DNAH17: variants seen among roughly 807,000 people sequenced by gnomAD.
DNAH17 encodes axonemal beta dynein heavy chain 17.
In DNAH17, 376 loss-of-function variants were observed where a neutral mutation model predicts 485.6. That is an observed-to-expected ratio of 0.77 (90% CI 0.71 to 0.84). DNAH17 has a LOEUF of 0.84. Ranked by LOEUF, DNAH17 falls within the 40% of genes least tolerant of loss-of-function variation. The pLI, the probability that DNAH17 is intolerant of heterozygous loss-of-function variation, is 0.00. For missense variants in DNAH17, 6,370 were observed against 5,839.3 expected (o/e 1.09, Z -2.96); for synonymous variants, 3,031 against 2,405.9 (o/e 1.26, Z -7.60).
At chr17:78,480,309 A>G (rs1266010596) in intron 49 of DNAH17, among the ~76,000 whole-genome samples, 7 of 152,094 alleles carry the variant, frequency 4.6e-5, no homozygotes, top group Admixed American at 1.3e-4. Flanking sequence ...AGATCACACC[A>G]TTGCACTCCA....
Position 78,423,858 on chromosome 17 carries a change from G to T in DNAH17, c.*48C>A, listed in dbSNP as rs367916838. ...GTCACAGGTGCACAGGTGAAGGGCT[G>T]AGTTGTGGTCCAGCCCCAGGGAGTG... On this transcript the variant is annotated 3_prime_UTR_variant, in exon 81 of 81. Coordinates refer to ENST00000389840, the MANE Select transcript of DNAH17 (RefSeq NM_173628.4). 100 of 1,605,688 alleles carry T rather than the reference G, an allele frequency of 6.2e-5. No individual in the cohort carries two copies. The African/African-American group carries it at 1.2e-3, about 19-fold the overall frequency.
At position 78,571,345 on chromosome 17, in the gene DNAH17, T is replaced by G; in HGVS notation, c.766A>C (p.Ile256Leu). 2 of 1,613,932 alleles carry G rather than the reference T, an allele frequency of 1.2e-6. No homozygotes were observed. The highest frequency in any genetic ancestry group is 8.5e-7 in the Non-Finnish European group (1 of 1,179,848). ...NRPKVNKIVE[I>L]LEKAKSCYWP... is the part of the protein sequence containing the mutation. ...TAGCAGCTTTTGGCTTTCTCTAGGA[T>G]CTCAACAATCTTGTTCACTTTGGGT... The change falls in exon 5 of 81, where the codon ATC (isoleucine) becomes CTC (leucine). Residue 256 changes from isoleucine (I) to leucine (L), a missense_variant. Transcript: ENST00000389840.
chr17:78,426,109 G>GAAGAAA (rs2086446181), intron 79 of DNAH17, among the ~76,000 whole-genome samples: 1 of 152,226 alleles, frequency 6.6e-6, no homozygotes, highest in African/African-American at 2.4e-5. Context: ...GAAGGGTCAG[G>GAAGAAA]AAGAAAATGG....
In DNAH17 at chr17:78,530,560, G is replaced by T. The variant is rs183585983; in HGVS notation, c.3115-48C>A. 2,291 of 1,564,384 alleles carry T rather than the reference G, an allele frequency of 1.5e-3. 3 individuals are homozygous for T. Among genetic ancestry groups the T allele is most frequent in the Admixed American group, 1.9e-3 (108 of 57,518 alleles). ...GCCTGTCATAGCCTGCAAGCCTAGG[G>T]GGGGCGTCAGCACAGGGCCTCAGTC... On this transcript the variant is annotated intron_variant, in intron 20 of 80. Transcript: ENST00000389840.
intron 17 of DNAH17, 199 bp downstream of exon 17, chr17:78,543,658 T>C: frequency 4.1e-6 from 3 of 737,762 alleles, no homozygotes; most frequent in South Asian, 3.2e-5. Context: ...CTCCTGACAT[T>C]AGGTGATCCG....
rs1023682225 is a variant in DNAH17, at chr17:78,466,294, C to G, written c.8940+361G>C. ...AAGTACCCAGGGACACAAACACTGC[C>G]GAAGGCCGGAAGGCCTCAGGGTCCT... On this transcript the variant is annotated intron_variant, in intron 56 of 80. Coordinates refer to ENST00000389840, the MANE Select transcript of DNAH17 (RefSeq NM_173628.4). Among the ~76,000 whole-genome samples the G allele has an allele frequency of 8.5e-5, 13 of 152,198 alleles. No individual in the cohort carries two copies. In the East Asian group the frequency reaches 1.4e-3, roughly 16 times the overall value.
At chr17:78,522,451 G>T (rs2090957415) in intron 25 of DNAH17, 1 of 311,994 alleles carries the variant, frequency 3.2e-6, no homozygotes, top group Non-Finnish European at 6.5e-6. Context: ...GGAATGGAAG[G>T]GTGGAGGCAC....
chr17:78,493,998 G>A, intron 41 of DNAH17, 38 bp downstream of exon 41: 1 of 1,593,708 alleles, frequency 6.3e-7, no homozygotes, highest in Non-Finnish European at 8.5e-7. Context: ...CCCCCACCAT[G>A]CCGGATCCCT....
chr17:78,548,642 T>TA (rs1453635131), intron 16 of DNAH17, among the ~76,000 whole-genome samples: 1 of 152,250 alleles, frequency 6.6e-6, no homozygotes, highest in Non-Finnish European at 1.5e-5. Context: ...CTTTTGGTCC[T>TA]AACCCCTTTG....
chr17:78,529,819 T>G, intron 21 of DNAH17, 125 bp from the exon 22 acceptor site: 3 of 949,942 alleles, frequency 3.2e-6, no homozygotes, highest in Non-Finnish European at 4.7e-6. Flanking sequence ...AGGCCCCAGG[T>G]GGGGAGGGAG....
At chr17:78,569,767 C>T (rs2092323579) in intron 7 of DNAH17, among the ~76,000 whole-genome samples, 1 of 152,238 alleles carries the variant, frequency 6.6e-6, no homozygotes, top group Admixed American at 6.5e-5. Context: ...GAGAGGCCCT[C>T]CAGGGACAGG....
chr17:78,550,576 A>T lies in DNAH17; in HGVS notation c.2391+959T>A, dbSNP rs528985722. 5.3e-5 allele frequency among the ~76,000 whole-genome samples: 8 copies of T among 152,334 alleles called. No homozygotes were observed. In the East Asian group the frequency reaches 1.5e-3, roughly 29 times the overall value. On this transcript the variant is annotated intron_variant, in intron 16 of 80. Coordinates refer to ENST00000389840, the MANE Select transcript of DNAH17 (RefSeq NM_173628.4). ...AGACACACAGAGGGAGGACCCTGTG[A>T]AGCCACAGGGAGAAGACAGCATCTA...
chr17:78,558,161 T>C lies in DNAH17; in HGVS notation c.2125A>G (p.Thr709Ala), dbSNP rs769864379. Residue 709 changes from threonine (T) to alanine (A), a missense_variant, in exon 14 of 81, where the codon ACT becomes GCT. Physicochemically the swap from Thr to Ala is moderately conservative, Grantham distance 58. Coordinates refer to ENST00000389840, the MANE Select transcript of DNAH17 (RefSeq NM_173628.4). Reference protein sequence around the residue: ...SAESLFSENETFRKFVGNLEL... With the variant: ...SAESLFSENEAFRKFVGNLEL... ...AGGTTGCCCACAAACTTCCGGAAAG[T>C]TTCGTTCTCTGAGAACAGACTCTCC... 6.2e-7 allele frequency: 1 copy of C among 1,613,772 alleles called. No individual in the cohort carries two copies. Among genetic ancestry groups the C allele is most frequent in the African/African-American group, 1.3e-5 (1 of 75,020 alleles).
chr17:78,430,331 CT>C (rs2086629758), intron 75 of DNAH17, among the ~76,000 whole-genome samples: 1 of 152,098 alleles, frequency 6.6e-6, no homozygotes, highest in Admixed American at 6.5e-5. Context: ...ATAATTGATT[CT>C]TTTTTGGTAC....
intron 70 of DNAH17, 114 bp downstream of exon 70, chr17:78,445,444 G>A (rs1598460132): frequency 7.0e-7 from 1 of 1,423,458 alleles, no homozygotes. Context: ...TTGCTTTACT[G>A]AATTTATGGG....
chr17:78,535,973 C>A (rs2091362621), intron 19 of DNAH17, among the ~76,000 whole-genome samples: 1 of 152,124 alleles, frequency 6.6e-6, no homozygotes, highest in African/African-American at 2.4e-5. Context: ...CCACCTCAAA[C>A]CTCCCTTAAG....
At chr17:78,445,711 C>A (rs1043515376) in intron 69 of DNAH17, 31 bp from the exon 70 acceptor site, 1 of 1,581,010 alleles carries the variant, frequency 6.3e-7, no homozygotes, top group Admixed American at 1.8e-5. Context: ...ACACACTTAA[C>A]GCAGCCAGTA....
At chr17:78,526,485 T>TG (rs2091076843) in intron 24 of DNAH17, 166 bp downstream of exon 24, 2 of 587,570 alleles carry the variant, frequency 3.4e-6, no homozygotes, top group Non-Finnish European at 5.9e-6. Flanking sequence ...CCCATGCATG[T>TG]GCTCGCACAC....
At chr17:78,538,258 G>C (rs898270855) in intron 18 of DNAH17, among the ~76,000 whole-genome samples, 1 of 152,060 alleles carries the variant, frequency 6.6e-6, no homozygotes, top group Non-Finnish European at 1.5e-5. Flanking sequence ...GGCCAAGCCT[G>C]CCTGTCCCTC....
Sources: gnomAD v4.1 joint callset for allele counts (sites outside exome capture counted in the v4.1 genomes callset) on GRCh38, gnomAD v4.1.1 for gene constraint, MANE v1.5 for transcripts, NCBI Gene and HGNC (gene_info 2026-07-23, HGNC 2026-07-21) for gene names.